Variants in VRK2 observed in about 807,000 individuals in gnomAD.
VRK2 encodes serine/threonine-protein kinase VRK2.
In VRK2, 60 loss-of-function variants were observed where a neutral mutation model predicts 57.6. The ratio of observed to expected loss-of-function variants is 1.04; its 90% CI spans 0.85 to 1.29. The LOEUF (loss-of-function observed/expected upper bound fraction) is 1.29, where lower values mean the gene tolerates loss of function less well. Ranked by LOEUF, VRK2 falls within the 50% of genes most tolerant of loss-of-function variation. The pLI is 0.00. For missense variants in VRK2, 705 were observed against 588.1 expected, an observed-to-expected ratio of 1.20 and a Z score of -2.06; for synonymous variants, 231 against 199.2, an observed-to-expected ratio of 1.16 and a Z score of -1.35.
chr2:58,033,823 G>A (rs1458916682), intron 3 of VRK2, among the ~76,000 whole-genome samples: 5 of 151,918 alleles, frequency 3.3e-5, no homozygotes, highest in Admixed American at 3.3e-4. Context: ...ATTTTCCCCA[G>A]TTTGGTCATC....
In VRK2 at chr2:57,913,721, A is replaced by G. The variant is rs1572852527; in HGVS notation, c.-439+5882A>G. ...ATTAGGATATTTTCACAAATTATAC[A>G]TACTCTTTGCATGTTTTAATACTGC... is the stretch of plus-strand genomic sequence containing the variant. On this transcript the variant is annotated intron_variant, in intron 1 of 15. Transcript: ENST00000417641. Among the ~76,000 whole-genome samples, 4 of 152,196 alleles carry G rather than the reference A, an allele frequency of 2.6e-5. No homozygotes were observed. In the South Asian group the frequency reaches 8.3e-4, roughly 32 times the overall value.
chr2:58,131,605 A>G lies in VRK2; in HGVS notation c.677-203A>G, dbSNP rs538489753. ...GGAGGAGGTGAGGAAACTGACCCTTACTTTCAACAGCAACCAGTCACTGCC... is the reference window on the plus strand; with the variant it reads ...GGAGGAGGTGAGGAAACTGACCCTTGCTTTCAACAGCAACCAGTCACTGCC... On this transcript the variant is annotated intron_variant, in intron 8 of 12. Coordinates refer to ENST00000340157, the MANE Select transcript of VRK2 (RefSeq NM_006296.7). Among the ~76,000 whole-genome samples the G allele has an allele frequency of 7.2e-5, 11 of 152,248 alleles. No individual in the cohort carries two copies. In the East Asian group the frequency reaches 2.1e-3, roughly 29 times the overall value.
chr2:58,120,176 T>C (rs1677203895), intron 7 of VRK2, among the ~76,000 whole-genome samples: 1 of 138,318 alleles, frequency 7.2e-6, no homozygotes, highest in Non-Finnish European at 1.5e-5. Flanking sequence ...TCTATTTTTT[T>C]TTCTTTTCTT....
chr2:58,034,706 C>A (rs1243176637), intron 3 of VRK2, among the ~76,000 whole-genome samples: 1 of 151,828 alleles, frequency 6.6e-6, no homozygotes, highest in Admixed American at 6.6e-5. Context: ...GAGAGCATCT[C>A]TCATCTTTGT....
intron 1 of VRK2, among the ~76,000 whole-genome samples, chr2:58,004,445 T>C (rs1349980505): frequency 6.6e-6 from 1 of 152,188 alleles, no homozygotes; most frequent in Non-Finnish European, 1.5e-5. Context: ...CAATTGACTG[T>C]TTTCTAATCT....
At chr2:58,015,891 T>TCA (rs1673565828) in intron 1 of VRK2, among the ~76,000 whole-genome samples, 1 of 152,198 alleles carries the variant, frequency 6.6e-6, no homozygotes, top group Admixed American at 6.5e-5. Context: ...AGACATTTGA[T>TCA]TTTTATACAG....
At chr2:57,994,355 G>C (rs549116598) in intron 1 of VRK2, among the ~76,000 whole-genome samples, 2 of 152,146 alleles carry the variant, frequency 1.3e-5, no homozygotes, top group African/African-American at 4.8e-5. Context: ...ACATCCATCA[G>C]TGTCAATAAT....
At chr2:58,135,473 A>T (rs541346646) in intron 10 of VRK2, among the ~76,000 whole-genome samples, 1 of 148,768 alleles carries the variant, frequency 6.7e-6, no homozygotes, top group African/African-American at 2.5e-5. Flanking sequence ...CTCTATTTTG[A>T]GAATCATGCA....
intron 7 of VRK2, among the ~76,000 whole-genome samples, chr2:58,115,672 T>C (rs995541261): frequency 2.6e-5 from 4 of 152,148 alleles, no homozygotes; most frequent in African/African-American, 9.7e-5. Context: ...GGAGATTAAT[T>C]GGACATGATC....
Position 58,159,829 on chromosome 2 carries a change from G to A in VRK2, c.*136G>A, listed in dbSNP as rs1402182704. 1 of 1,610,578 alleles carries A rather than the reference G, an allele frequency of 6.2e-7. No individual in the cohort carries two copies. The highest frequency in any genetic ancestry group is 8.5e-7 in the Non-Finnish European group (1 of 1,178,786). On this transcript the variant is annotated 3_prime_UTR_variant, in exon 13 of 13. Transcript: ENST00000340157. ...TAAAAAGAGAACATATTTTAACAAA[G>A]TTTGTGGACACTCTAAAAAATAAAA...
chr2:58,110,856 GC>G (rs1367341241), intron 7 of VRK2, among the ~76,000 whole-genome samples: 1 of 152,186 alleles, frequency 6.6e-6, no homozygotes, highest in Non-Finnish European at 1.5e-5. Flanking sequence ...GAGCTCCAGA[GC>G]AAAGCTTGCC....
chr2:58,083,731 A>C (rs1252918717), intron 2 of VRK2, among the ~76,000 whole-genome samples: 1 of 151,830 alleles, frequency 6.6e-6, no homozygotes. Flanking sequence ...TTAATGCCAT[A>C]TATCTATAAA....
rs143226290 is a variant in VRK2, at chr2:57,929,195, G to A, written c.-439+21356G>A. Among the ~76,000 whole-genome samples the A allele has an allele frequency of 3.3e-5, 5 of 152,332 alleles. No individual in the cohort carries two copies. In the East Asian group the frequency reaches 9.6e-4, roughly 29 times the overall value. The stretch of plus-strand genomic sequence containing the variant: ...GTCCAGAGATGCTGTCCAGGAGCCA[G>A]GACTTGGAGTCAAAAATCTCAGGAA... On this transcript the variant is annotated intron_variant, in intron 1 of 15. Transcript: ENST00000417641.
intron 1 of VRK2, among the ~76,000 whole-genome samples, chr2:57,924,092 G>T (rs1378487555): frequency 6.6e-6 from 1 of 151,720 alleles, no homozygotes; most frequent in Non-Finnish European, 1.5e-5. Flanking sequence ...GTGTCTGTTT[G>T]TATGTCAGTA....
intron 7 of VRK2, among the ~76,000 whole-genome samples, chr2:58,121,751 A>G (rs989184413): frequency 6.6e-6 from 1 of 152,242 alleles, no homozygotes; most frequent in Non-Finnish European, 1.5e-5. Flanking sequence ...TTGAAGCTGC[A>G]TTATGAAATA....
intron 1 of VRK2, among the ~76,000 whole-genome samples, chr2:58,047,755 G>A (rs986926350): frequency 1.2e-4 from 18 of 151,976 alleles, no homozygotes; most frequent in Admixed American, 3.3e-4. Flanking sequence ...CTATCAGGAG[G>A]AAGGTGAATA....
chr2:58,126,360 T>G (rs924573805), intron 8 of VRK2, among the ~76,000 whole-genome samples: 4 of 152,128 alleles, frequency 2.6e-5, no homozygotes, highest in Non-Finnish European at 5.9e-5. Context: ...ATTTAAAAAC[T>G]CAAGCTAAAT....
intron 7 of VRK2, among the ~76,000 whole-genome samples, chr2:58,098,532 A>T (rs1260561093): frequency 1.3e-5 from 2 of 152,000 alleles, no homozygotes; most frequent in African/African-American, 4.8e-5. Context: ...TTATGTTTAG[A>T]TATATTTAGA....
chr2:57,909,440 G>A (rs976998207), intron 1 of VRK2, among the ~76,000 whole-genome samples: 4 of 151,586 alleles, frequency 2.6e-5, no homozygotes, highest in South Asian at 2.1e-4. Context: ...AAAGATCCAG[G>A]AGAAATATTC....
Sources: gnomAD v4.1 joint callset for allele counts (sites outside exome capture counted in the v4.1 genomes callset) on GRCh38, gnomAD v4.1.1 for gene constraint, MANE v1.5 for transcripts, NCBI Gene and HGNC (gene_info 2026-07-23, HGNC 2026-07-21) for gene names.